TSPAN5: variants seen among roughly 807,000 people sequenced by gnomAD.
TSPAN5 encodes the protein tetraspanin 5, also known as tetraspanin-5.
Under a neutral mutation model 37.1 loss-of-function variants are expected in TSPAN5, and 10 were observed. The observed-to-expected ratio is 0.27, with a 90% CI of 0.17 to 0.46. The LOEUF is 0.46. Among genes scored for constraint, TSPAN5 ranks in the 20% least tolerant of loss-of-function variants. TSPAN5 has a pLI of 1.00. For synonymous variants in TSPAN5, 110 were observed against 118.9 expected, an observed-to-expected ratio of 0.93 and a Z score of 0.48; for missense variants, 195 against 326.6, an observed-to-expected ratio of 0.60 and a Z score of 3.11.
At chr4:98,527,950 T>C (rs553741348) in intron 1 of TSPAN5, among the ~76,000 whole-genome samples, 2 of 152,356 alleles carry the variant, frequency 1.3e-5, no homozygotes, top group East Asian at 3.9e-4. Context: ...ATCTGGGTAT[T>C]GAGCAATGAA....
chr4:98,475,846 C>T (rs1209976370), intron 7 of TSPAN5, among the ~76,000 whole-genome samples: 4 of 151,820 alleles, frequency 2.6e-5, no homozygotes, highest in Non-Finnish European at 5.9e-5. Flanking sequence ...AAAAATTAGC[C>T]GGGCGTAGTG....
intron 1 of TSPAN5, among the ~76,000 whole-genome samples, chr4:98,585,494 G>C (rs1273674508): frequency 2.0e-5 from 3 of 152,062 alleles, no homozygotes; most frequent in Non-Finnish European, 4.4e-5. Context: ...ATTTTCAGTA[G>C]AGATAGGTTT....
intron 1 of TSPAN5, among the ~76,000 whole-genome samples, chr4:98,591,790 T>C (rs1169344209): frequency 6.6e-6 from 1 of 151,532 alleles, no homozygotes; most frequent in Non-Finnish European, 1.5e-5. Flanking sequence ...ACGTTCCCAT[T>C]AGTCATCATT....
chr4:98,587,174 C>T (rs1164216025), intron 1 of TSPAN5, among the ~76,000 whole-genome samples: 3 of 152,218 alleles, frequency 2.0e-5, no homozygotes, highest in Non-Finnish European at 4.4e-5. Context: ...GAAGGGCATT[C>T]ATAACAATGC....
chr4:98,575,066 G>A (rs530751657), intron 1 of TSPAN5, among the ~76,000 whole-genome samples: 7 of 152,186 alleles, frequency 4.6e-5, no homozygotes, highest in Non-Finnish European at 7.3e-5. Flanking sequence ...ACGCTGAGTG[G>A]AGAAGGAAAC....
intron 1 of TSPAN5, among the ~76,000 whole-genome samples, chr4:98,630,539 G>C (rs1756721316): frequency 1.3e-5 from 2 of 152,154 alleles, no homozygotes; most frequent in South Asian, 4.1e-4. Flanking sequence ...AACATCCCTG[G>C]ATTGAATGAA....
At chr4:98,487,642 A>C (rs1753001653) in intron 2 of TSPAN5, among the ~76,000 whole-genome samples, 1 of 152,146 alleles carries the variant, frequency 6.6e-6, no homozygotes, top group Non-Finnish European at 1.5e-5. Context: ...CTGAGATCCC[A>C]AAAGCCTTGT....
At chr4:98,643,611 G>A (rs7667295) in intron 1 of TSPAN5, among the ~76,000 whole-genome samples, 1,983 of 152,104 alleles carry the variant, frequency 0.013, 34 homozygotes, top group African/African-American at 0.045. Flanking sequence ...GTAAAACACC[G>A]TTTTCAAATT....
chr4:98,572,692 G>A (rs947277137), intron 1 of TSPAN5, among the ~76,000 whole-genome samples: 1 of 152,216 alleles, frequency 6.6e-6, no homozygotes, highest in Non-Finnish European at 1.5e-5. Flanking sequence ...CACAATCCTA[G>A]CACTAGCTGA....
At chr4:98,474,595 G>A (rs1752655584) in intron 7 of TSPAN5, among the ~76,000 whole-genome samples, 1 of 152,068 alleles carries the variant, frequency 6.6e-6, no homozygotes, top group Non-Finnish European at 1.5e-5. Context: ...TGATCCACCT[G>A]ACTCAGCCTC....
chr4:98,626,886 G>GT (rs34770397), intron 1 of TSPAN5, among the ~76,000 whole-genome samples: 26,996 of 83,428 alleles, frequency 0.32, 5,080 homozygotes, highest in Non-Finnish European at 0.36. Flanking sequence ...ATGAGAGCAG[G>GT]TTTTTTTTTT....
intron 1 of TSPAN5, among the ~76,000 whole-genome samples, chr4:98,536,833 C>T (rs555895001): frequency 3.9e-5 from 6 of 152,310 alleles, no homozygotes; most frequent in Admixed American, 1.3e-4. Context: ...CAATGGCGGA[C>T]GCCCCTCCCC....
At chr4:98,602,285 C>T (rs1210487414) in intron 1 of TSPAN5, among the ~76,000 whole-genome samples, 1 of 151,984 alleles carries the variant, frequency 6.6e-6, no homozygotes, top group East Asian at 1.9e-4. Flanking sequence ...ATGTGAAGAG[C>T]AATAAAGTGA....
At chr4:98,492,317 C>T (rs967218060) in intron 2 of TSPAN5, among the ~76,000 whole-genome samples, 4 of 152,102 alleles carry the variant, frequency 2.6e-5, no homozygotes, top group African/African-American at 7.2e-5. Context: ...AGCAGAAAAC[C>T]GCGCTCAAGA....
intron 1 of TSPAN5, among the ~76,000 whole-genome samples, chr4:98,620,742 G>GA (rs1326093670): frequency 1.5e-4 from 23 of 152,298 alleles, no homozygotes; most frequent in Admixed American, 1.2e-3. Context: ...GGCTGGCACA[G>GA]AAAAAACAGC....
chr4:98,521,699 C>T (rs1286006740), intron 1 of TSPAN5, among the ~76,000 whole-genome samples: 1 of 152,248 alleles, frequency 6.6e-6, no homozygotes, highest in East Asian at 1.9e-4. Flanking sequence ...CTTGCTTCAG[C>T]TTGCCCTGTG....
intron 1 of TSPAN5, among the ~76,000 whole-genome samples, chr4:98,617,510 T>C (rs762379992): frequency 6.6e-6 from 1 of 152,176 alleles, no homozygotes; most frequent in Non-Finnish European, 1.5e-5. Context: ...CACAAAGCAC[T>C]GCTTACTGCT....
chr4:98,601,834 T>C (rs540318152), intron 1 of TSPAN5, among the ~76,000 whole-genome samples: 23 of 152,342 alleles, frequency 1.5e-4, no homozygotes, highest in African/African-American at 5.5e-4. Context: ...TAATCATTTG[T>C]AGCTTTTGAT....
chr4:98,634,600 AT>A (rs1213100984), intron 1 of TSPAN5, among the ~76,000 whole-genome samples: 2 of 152,258 alleles, frequency 1.3e-5, no homozygotes, highest in Admixed American at 6.5e-5. Context: ...GCTTTGTCAG[AT>A]GCTTTGTCCC....
Sources: allele counts gnomAD v4.1 joint callset (sites outside exome capture counted in the v4.1 genomes callset), GRCh38; gene constraint gnomAD v4.1.1; transcripts MANE v1.5; gene names NCBI Gene and HGNC (gene_info 2026-07-23, HGNC 2026-07-21).